The following DOCK4 variants were observed in gnomAD, a reference collection of about 807,000 sequenced individuals.
DOCK4 encodes dedicator of cytokinesis protein 4.
In DOCK4, 97 loss-of-function variants were observed where a neutral mutation model predicts 268.1. The ratio of observed to expected loss-of-function variants is 0.36; its 90% CI spans 0.31 to 0.43. The LOEUF (loss-of-function observed/expected upper bound fraction) is 0.43. Among genes scored for constraint, DOCK4 ranks in the 20% least tolerant of loss-of-function variants. The probability of loss-of-function intolerance (pLI) is 1.00; values close to 1 mark genes in which losing one functional copy is unlikely to be tolerated. For missense variants in DOCK4, 2,145 were observed against 2,455.7 expected (o/e 0.87, Z 2.67); for synonymous variants, 954 against 887.2 (o/e 1.08, Z -1.34).
intron 1 of DOCK4, among the ~76,000 whole-genome samples, chr7:112,011,262 G>A (rs900613539): frequency 6.6e-6 from 1 of 152,176 alleles, no homozygotes; most frequent in South Asian, 2.1e-4. Context: ...TCACTGCACT[G>A]GGGTGAATCC....
At chr7:112,018,165 A>AC (rs1562997131) in intron 1 of DOCK4, among the ~76,000 whole-genome samples, 5 of 142,686 alleles carry the variant, frequency 3.5e-5, no homozygotes, top group African/African-American at 1.1e-4. Context: ...AAAAAAAAAA[A>AC]AAAAAAAAAA....
chr7:112,140,044 C>T (rs1458037090), intron 1 of DOCK4, among the ~76,000 whole-genome samples: 1 of 152,124 alleles, frequency 6.6e-6, no homozygotes, highest in African/African-American at 2.4e-5. Flanking sequence ...TCCCCTAAGG[C>T]CTCAAAGCTA....
chr7:111,780,686 A>G (rs898054762), intron 35 of DOCK4, among the ~76,000 whole-genome samples: 2 of 152,238 alleles, frequency 1.3e-5, no homozygotes, highest in African/African-American at 4.8e-5. Flanking sequence ...CTTGTAAAGG[A>G]TGTCACAGCT....
At chr7:112,162,872 C>T (rs1817256351) in intron 1 of DOCK4, among the ~76,000 whole-genome samples, 1 of 152,126 alleles carries the variant, frequency 6.6e-6, no homozygotes, top group African/African-American at 2.4e-5. Flanking sequence ...ATAATGTTCT[C>T]AAGCACTATT....
rs549216645 is a variant in DOCK4, at chr7:112,143,594, C to T, written c.37+62508G>A. 3.3e-5 allele frequency among the ~76,000 whole-genome samples: 5 copies of T among 152,296 alleles called. No individual in the cohort carries two copies. In the South Asian group the frequency reaches 6.2e-4, roughly 19 times the overall value. On this transcript the variant is annotated intron_variant, in intron 1 of 52. Transcript: ENST00000428084. ...ATTTGGGGGCACATCTAAAAGTTCGCGGCTCTCCAACTATAAGGAATGGGA... is the reference window on the plus strand; with the variant it reads ...ATTTGGGGGCACATCTAAAAGTTCGTGGCTCTCCAACTATAAGGAATGGGA...
chr7:111,809,785 C>T (rs1329349786), intron 28 of DOCK4, among the ~76,000 whole-genome samples: 1 of 152,122 alleles, frequency 6.6e-6, no homozygotes, highest in East Asian at 1.9e-4. Flanking sequence ...AGATGGATTT[C>T]TTTATTCCTG....
intron 36 of DOCK4, among the ~76,000 whole-genome samples, chr7:111,774,096 G>A (rs1376868219): frequency 1.3e-5 from 2 of 152,046 alleles, no homozygotes; most frequent in Non-Finnish European, 2.9e-5. Flanking sequence ...ATATATACAT[G>A]CATGCATGTA....
At chr7:112,088,619 G>A (rs541696378) in intron 1 of DOCK4, among the ~76,000 whole-genome samples, 1 of 152,038 alleles carries the variant, frequency 6.6e-6, no homozygotes, top group South Asian at 2.1e-4. Context: ...TTAAACATGT[G>A]CTAAGTCACT....
At chr7:111,732,490 G>A (rs1795171182) in intron 51 of DOCK4, 3 of 595,646 alleles carry the variant, frequency 5.0e-6, no homozygotes, top group Admixed American at 3.0e-5. Flanking sequence ...GCCAAGATAT[G>A]GGAGCATCAG....
chr7:111,776,540 CT>C (rs1326745384), intron 36 of DOCK4, among the ~76,000 whole-genome samples: 1 of 152,068 alleles, frequency 6.6e-6, no homozygotes, highest in Non-Finnish European at 1.5e-5. Flanking sequence ...TTCCAGGAAC[CT>C]ATGGTACAAC....
intron 45 of DOCK4, 141 bp from the exon 46 acceptor site, chr7:111,741,802 T>G: frequency 3.1e-6 from 4 of 1,304,056 alleles, no homozygotes; most frequent in Non-Finnish European, 4.1e-6. Context: ...GTTCCAGTAT[T>G]ATTTGGCTTT....
intron 12 of DOCK4, among the ~76,000 whole-genome samples, chr7:111,933,638 A>G (rs1411750233): frequency 6.6e-6 from 1 of 152,024 alleles, no homozygotes; most frequent in Non-Finnish European, 1.5e-5. Context: ...ACAAGCATAC[A>G]TAGTAGTTCC....
intron 37 of DOCK4, among the ~76,000 whole-genome samples, chr7:111,768,614 C>T (rs1327763954): frequency 6.6e-6 from 1 of 152,072 alleles, no homozygotes; most frequent in Non-Finnish European, 1.5e-5. Flanking sequence ...ACTACAAGCC[C>T]TTGAAGAGGG....
chr7:111,894,269 T>C (rs1199928394), intron 16 of DOCK4, among the ~76,000 whole-genome samples: 2 of 152,034 alleles, frequency 1.3e-5, no homozygotes, highest in Admixed American at 6.6e-5. Flanking sequence ...GTGTGTTATA[T>C]GTTGCCTCTC....
chr7:111,743,812 A>C (rs1796091392), intron 44 of DOCK4, among the ~76,000 whole-genome samples: 1 of 152,008 alleles, frequency 6.6e-6, no homozygotes, highest in Non-Finnish European at 1.5e-5. Context: ...TGTTCTTAAA[A>C]ATTTATCTGT....
chr7:112,075,979 T>G (rs1047928985), intron 1 of DOCK4, among the ~76,000 whole-genome samples: 1 of 152,196 alleles, frequency 6.6e-6, no homozygotes, highest in Non-Finnish European at 1.5e-5. Flanking sequence ...GGCTAGATTA[T>G]AAAAAATTAG....
intron 24 of DOCK4, among the ~76,000 whole-genome samples, chr7:111,846,716 A>G (rs1804137000): frequency 6.6e-6 from 1 of 152,198 alleles, no homozygotes; most frequent in African/African-American, 2.4e-5. Flanking sequence ...TCATATCAAG[A>G]TTAAAGACAC....
intron 42 of DOCK4, among the ~76,000 whole-genome samples, chr7:111,752,956 A>C (rs1198575431): frequency 6.9e-6 from 1 of 143,912 alleles, no homozygotes; most frequent in Non-Finnish European, 1.5e-5. Context: ...ACTACAGAGG[A>C]AACAATAGTT....
intron 30 of DOCK4, among the ~76,000 whole-genome samples, chr7:111,804,658 G>C (rs187555965): frequency 6.6e-6 from 1 of 151,770 alleles, no homozygotes; most frequent in East Asian, 1.9e-4. Flanking sequence ...GGAGTGCAAT[G>C]GCGCGATCTT....
Sources: allele counts gnomAD v4.1 joint callset (sites outside exome capture counted in the v4.1 genomes callset), GRCh38; gene constraint gnomAD v4.1.1; transcripts MANE v1.5; gene names NCBI Gene and HGNC (gene_info 2026-07-23, HGNC 2026-07-21).